The following DGKH variants were observed in gnomAD, a reference collection of about 807,000 sequenced individuals.
The protein encoded by DGKH is diacylglycerol kinase eta.
In DGKH, 90 loss-of-function variants were observed where a neutral mutation model predicts 159.3. The observed-to-expected ratio is 0.57, with a 90% CI of 0.48 to 0.67. The LOEUF (loss-of-function observed/expected upper bound fraction) is 0.67, where lower values mean the gene tolerates loss of function less well. DGKH is among the 30% of genes least tolerant of loss of function. DGKH has a pLI of 0.00. For synonymous variants in DGKH, 536 were observed against 553.8 expected (o/e 0.97, Z 0.45); for missense variants, 1,181 against 1,506.1 (o/e 0.78, Z 3.57).
At chr13:42,101,623 T>A (rs1306031215) in intron 1 of DGKH, among the ~76,000 whole-genome samples, 1 of 152,030 alleles carries the variant, frequency 6.6e-6, no homozygotes, top group African/African-American at 2.4e-5. Context: ...GGAGGAGAAA[T>A]AATATATTTA....
chr13:42,172,301 G>A (rs1956480325), intron 11 of DGKH, among the ~76,000 whole-genome samples: 1 of 151,484 alleles, frequency 6.6e-6, no homozygotes, highest in African/African-American at 2.4e-5. Flanking sequence ...TAGTAGAGAT[G>A]GGGTTTCACC....
intron 1 of DGKH, among the ~76,000 whole-genome samples, chr13:42,068,430 A>G (rs1671443982): frequency 6.6e-6 from 1 of 152,170 alleles, no homozygotes; most frequent in African/African-American, 2.4e-5. Context: ...TTTGCCGCAT[A>G]TTTTTGTTAC....
At position 42,141,029 on chromosome 13, in the gene DGKH, C is replaced by CATTAACTCGTCATTTACAT. The variant is rs1555264853; in HGVS notation, c.384+11397_384+11398insATTAACTCGTCATTTACAT. 2.5e-3 allele frequency among the ~76,000 whole-genome samples: 130 copies of CATTAACTCGTCATTTACAT among 52,136 alleles called. 19 individuals carry two copies. Among genetic ancestry groups the CATTAACTCGTCATTTACAT allele is most frequent in the South Asian group, 4.2e-3 (6 of 1,436 alleles). 34.2% of individuals were successfully genotyped at this position (52,136 alleles called of 152,430 possible). ...ATGTGCCATGTTGGTGTGCTGAACC[C>CATTAACTCGTCATTTACAT]TCCTAATGCTATCCCTCCCCCCTCC... On this transcript the variant is annotated intron_variant, in intron 3 of 29. Coordinates refer to ENST00000337343, the MANE Select transcript of DGKH (RefSeq NM_178009.5).
chr13:42,212,671 TTTA>T (rs1566199302), intron 24 of DGKH, among the ~76,000 whole-genome samples: 1 of 152,204 alleles, frequency 6.6e-6, no homozygotes. Flanking sequence ...ATTTTCAGAA[TTTA>T]TTCATTGACT....
At chr13:42,067,977 AT>A (rs779907328) in intron 1 of DGKH, among the ~76,000 whole-genome samples, 2 of 152,122 alleles carry the variant, frequency 1.3e-5, no homozygotes, top group African/African-American at 2.4e-5. Flanking sequence ...TCTAACATTC[AT>A]TTTTTTAAAA....
intron 1 of DGKH, among the ~76,000 whole-genome samples, chr13:42,051,929 T>A (rs1881350423): frequency 6.6e-6 from 1 of 152,124 alleles, no homozygotes; most frequent in South Asian, 2.1e-4. Context: ...CTTCCCAAAG[T>A]GCTAGGATTA....
At chr13:42,159,916 G>T (rs1956137040) in intron 6 of DGKH, 95 bp from the exon 7 acceptor site, 1 of 1,572,730 alleles carries the variant, frequency 6.4e-7, no homozygotes, top group South Asian at 1.1e-5. Context: ...ACGTACTACT[G>T]ACCCTCTAGA....
intron 29 of DGKH, among the ~76,000 whole-genome samples, chr13:42,251,941 A>G (rs946890903): frequency 5.3e-5 from 8 of 152,214 alleles, no homozygotes; most frequent in Non-Finnish European, 2.9e-5. Flanking sequence ...TCCTGTCCTC[A>G]TCACGCTGCA....
chr13:42,060,097 G>A (rs146239795), intron 1 of DGKH, among the ~76,000 whole-genome samples: 1,800 of 151,976 alleles, frequency 0.012, 9 homozygotes, highest in Non-Finnish European at 0.017. Context: ...GTAGAGATGG[G>A]GTTTCACCGT....
chr13:42,132,561 A>G (rs1024493014), intron 3 of DGKH, among the ~76,000 whole-genome samples: 2 of 152,186 alleles, frequency 1.3e-5, no homozygotes, highest in South Asian at 2.1e-4. Flanking sequence ...CTCTCCTGTA[A>G]TGTCTTTCTT....
chr13:42,081,165 G>C (rs754938164), intron 1 of DGKH, among the ~76,000 whole-genome samples: 1 of 151,710 alleles, frequency 6.6e-6, no homozygotes, highest in Non-Finnish European at 1.5e-5. Context: ...CAATTTTATC[G>C]TTCTTTATTT....
At chr13:42,242,909 C>T (rs955816931), downstream of DGKH, 9 of 152,192 alleles carry the variant, frequency 5.9e-5, no homozygotes, top group South Asian at 2.1e-4. Context: ...GTGAAGTCTA[C>T]GTTGTTTCTG....
At chr13:42,203,057 GTTA>G (rs996950478) in intron 20 of DGKH, among the ~76,000 whole-genome samples, 1 of 152,070 alleles carries the variant, frequency 6.6e-6, no homozygotes, top group Non-Finnish European at 1.5e-5. Context: ...CACATTTTTA[GTTA>G]TTTCAAATCT....
At chr13:42,092,500 G>T (rs567813746) in intron 1 of DGKH, among the ~76,000 whole-genome samples, 20 of 152,312 alleles carry the variant, frequency 1.3e-4, no homozygotes, top group Non-Finnish European at 2.6e-4. Context: ...AGGACAGAAA[G>T]ACAAGTATTG....
At chr13:42,076,261 G>A (rs1439779818) in intron 1 of DGKH, among the ~76,000 whole-genome samples, 1 of 152,100 alleles carries the variant, frequency 6.6e-6, no homozygotes, top group East Asian at 1.9e-4. Context: ...TGTGTTTGTT[G>A]GATAGGAGAC....
downstream of DGKH, among the ~76,000 whole-genome samples, chr13:42,244,863 C>T (rs1222306440): frequency 1.5e-5 from 2 of 137,870 alleles, no homozygotes; most frequent in East Asian, 2.2e-4. Flanking sequence ...GAGATCCCGC[C>T]ACTGCACTCC....
At chr13:42,200,712 T>G (rs1664177867) in intron 20 of DGKH, among the ~76,000 whole-genome samples, 1 of 152,182 alleles carries the variant, frequency 6.6e-6, no homozygotes, top group African/African-American at 2.4e-5. Context: ...ACTAAAGAGG[T>G]GTCTCGCTCA....
chr13:42,147,177 T>C (rs1955756946), intron 3 of DGKH, among the ~76,000 whole-genome samples: 1 of 152,100 alleles, frequency 6.6e-6, no homozygotes, highest in South Asian at 2.1e-4. Flanking sequence ...GGTATATAAA[T>C]GATGCCTTTA....
intron 23 of DGKH, among the ~76,000 whole-genome samples, chr13:42,209,920 C>T (rs1957599435): frequency 6.6e-6 from 1 of 151,782 alleles, no homozygotes; most frequent in Non-Finnish European, 1.5e-5. Flanking sequence ...AAAATTATTT[C>T]ACGACCCTAA....
Sources: gnomAD v4.1 joint callset for allele counts (sites outside exome capture counted in the v4.1 genomes callset) on GRCh38, gnomAD v4.1.1 for gene constraint, MANE v1.5 for transcripts, NCBI Gene and HGNC (gene_info 2026-07-23, HGNC 2026-07-21) for gene names.